CCDC171: variants seen among roughly 807,000 people sequenced by gnomAD.
CCDC171 encodes coiled-coil domain-containing protein 171.
Under a neutral mutation model 168.2 loss-of-function variants are expected in CCDC171, and 177 were observed. That is an observed-to-expected ratio of 1.05 (90% confidence interval 0.93 to 1.19). The LOEUF (loss-of-function observed/expected upper bound fraction) is 1.19, where lower values mean the gene tolerates loss of function less well. Ranked by LOEUF, CCDC171 falls within the 50% of genes most tolerant of loss-of-function variation. CCDC171 has a pLI of 0.00. For missense variants in CCDC171, 1,991 were observed against 1,539.0 expected, an observed-to-expected ratio of 1.29 and a Z score of -4.91; for synonymous variants, 687 against 540.8, an observed-to-expected ratio of 1.27 and a Z score of -3.75.
chr9:15,892,780 CA>C (rs1224903543), intron 24 of CCDC171, among the ~76,000 whole-genome samples: 1 of 151,958 alleles, frequency 6.6e-6, no homozygotes, highest in Non-Finnish European at 1.5e-5. Flanking sequence ...CCAAAGAAAT[CA>C]GAAAGGACAC....
At chr9:15,860,507 C>A (rs2061514913) in intron 23 of CCDC171, among the ~76,000 whole-genome samples, 1 of 151,704 alleles carries the variant, frequency 6.6e-6, no homozygotes, top group Non-Finnish European at 1.5e-5. Flanking sequence ...CTAATGATTT[C>A]TTTCTTATGC....
intron 6 of CCDC171, among the ~76,000 whole-genome samples, chr9:15,600,122 G>T (rs988599972): frequency 6.6e-6 from 1 of 152,172 alleles, no homozygotes; most frequent in Non-Finnish European, 1.5e-5. Context: ...ATTGTCTGAA[G>T]CCTTCTTCTC....
chr9:15,864,645 G>A (rs770456750), intron 23 of CCDC171, among the ~76,000 whole-genome samples: 1 of 152,046 alleles, frequency 6.6e-6, no homozygotes, highest in African/African-American at 2.4e-5. Flanking sequence ...TAAAGGGAAA[G>A]CACAACAATT....
intron 11 of CCDC171, among the ~76,000 whole-genome samples, chr9:15,716,857 G>T (rs2053122540): frequency 6.6e-6 from 1 of 152,200 alleles, no homozygotes; most frequent in Admixed American, 6.5e-5. Context: ...TCTCAACACT[G>T]CATTGGGGAT....
At chr9:15,911,430 TAGATTCTGGATA>T (rs1823622931) in intron 24 of CCDC171, among the ~76,000 whole-genome samples, 1 of 152,236 alleles carries the variant, frequency 6.6e-6, no homozygotes, top group South Asian at 2.1e-4. Flanking sequence ...AAGTCCCTTG[TAGATTCTGGATA>T]TTAGCCCTTT....
At chr9:16,089,374 A>T in the CCDC171 span, among the ~76,000 whole-genome samples, 31 of 151,856 alleles carry the variant, frequency 2.0e-4, no homozygotes, top group Admixed American at 1.0e-3. Context: ...AGAAGCTCTT[A>T]AGTTTAATTA....
At chr9:15,670,009 C>T (rs2048997876) in intron 9 of CCDC171, among the ~76,000 whole-genome samples, 1 of 148,840 alleles carries the variant, frequency 6.7e-6, no homozygotes, top group Non-Finnish European at 1.5e-5. Context: ...GGGATCCTAG[C>T]TACAAACTTA....
chr9:15,586,688 A>G (rs1407544880), intron 4 of CCDC171, among the ~76,000 whole-genome samples: 2 of 152,314 alleles, frequency 1.3e-5, no homozygotes, highest in East Asian at 3.9e-4. Context: ...AGTGGAAGTC[A>G]GGAGGTTTAA....
chr9:16,051,641 G>T (rs1833751603), intron 1 of CCDC171, among the ~76,000 whole-genome samples: 1 of 152,206 alleles, frequency 6.6e-6, no homozygotes, highest in African/African-American at 2.4e-5. Context: ...TACCCAGCAT[G>T]AGTGCACCAT....
intron 25 of CCDC171, among the ~76,000 whole-genome samples, chr9:15,957,913 T>C (rs958920060): frequency 6.6e-6 from 1 of 152,100 alleles, no homozygotes; most frequent in Non-Finnish European, 1.5e-5. Context: ...AGAATAAAGA[T>C]TAGCATAGAA....
intron 21 of CCDC171, among the ~76,000 whole-genome samples, chr9:15,792,924 A>C (rs2058343650): frequency 6.6e-6 from 1 of 152,202 alleles, no homozygotes; most frequent in Non-Finnish European, 1.5e-5. Flanking sequence ...ACTAATGAGC[A>C]AAATAACCAG....
chr9:15,553,420 G>A (rs1296469344), intron 1 of CCDC171, 118 bp downstream of exon 1: 1 of 152,238 alleles, frequency 6.6e-6, no homozygotes, highest in Non-Finnish European at 1.5e-5. Context: ...TAGGCTTTGG[G>A]GCACGCCTCC....
chr9:15,579,334 C>T (rs551117637), intron 4 of CCDC171, among the ~76,000 whole-genome samples: 1 of 152,224 alleles, frequency 6.6e-6, no homozygotes, highest in East Asian at 1.9e-4. Context: ...TTTTGTTTGT[C>T]TTAAACATAT....
intron 7 of CCDC171, among the ~76,000 whole-genome samples, chr9:15,654,888 T>G (rs1405568269): frequency 6.6e-6 from 1 of 152,054 alleles, no homozygotes; most frequent in Non-Finnish European, 1.5e-5. Flanking sequence ...TGTAGGGACA[T>G]GGATGAAGCT....
At chr9:15,988,066 C>A (rs941106929) in intron 3 of CCDC171, among the ~76,000 whole-genome samples, 1 of 152,150 alleles carries the variant, frequency 6.6e-6, no homozygotes, top group Non-Finnish European at 1.5e-5. Flanking sequence ...CTTATTCACA[C>A]ATCAGTACTT....
At chr9:15,631,382 T>C (rs1228836057) in intron 7 of CCDC171, among the ~76,000 whole-genome samples, 4 of 152,138 alleles carry the variant, frequency 2.6e-5, no homozygotes, top group African/African-American at 4.8e-5. Context: ...CATCAGAGAA[T>C]AGTATAAACA....
chr9:15,860,577 C>G lies in CCDC171; in HGVS notation c.3468+11630C>G, dbSNP rs1165448894. 4.0e-5 allele frequency among the ~76,000 whole-genome samples: 6 copies of G among 151,828 alleles called. 1 individual carries two copies. In the South Asian group the frequency reaches 1.2e-3, roughly 32 times the overall value. ...TGAATTTTCCAGTTTTTCTTCTATA[C>G]TTTGTTTCTGGTTTCATTTCATTAT... On this transcript the variant is annotated intron_variant, in intron 23 of 25. Transcript: ENST00000380701.
At chr9:15,842,551 A>G (rs1037017663) in intron 21 of CCDC171, among the ~76,000 whole-genome samples, 12 of 152,128 alleles carry the variant, frequency 7.9e-5, no homozygotes, top group African/African-American at 2.9e-4. Flanking sequence ...GAGAGATAAT[A>G]TTATTTAGAT....
chr9:15,867,441 C>G (rs942938833), intron 23 of CCDC171, among the ~76,000 whole-genome samples: 1 of 151,918 alleles, frequency 6.6e-6, no homozygotes, highest in East Asian at 1.9e-4. Context: ...AGTGGCTTGT[C>G]AATGACTCTC....
Sources: gnomAD v4.1 joint callset for allele counts (sites outside exome capture counted in the v4.1 genomes callset) on GRCh38, gnomAD v4.1.1 for gene constraint, MANE v1.5 for transcripts, NCBI Gene and HGNC (gene_info 2026-07-23, HGNC 2026-07-21) for gene names.